The following CFAP95 variants were observed in gnomAD, a reference collection of about 807,000 sequenced individuals.
The protein encoded by CFAP95 is cilia- and flagella-associated protein 95.
chr9:69,877,535 A>G, the CFAP95 span, among the ~76,000 whole-genome samples: 7 of 152,230 alleles, frequency 4.6e-5, no homozygotes, highest in African/African-American at 1.7e-4. Context: ...TATAGGAAAC[A>G]GATATTTTGT....
the CFAP95 span, among the ~76,000 whole-genome samples, chr9:69,901,402 G>T: frequency 6.6e-6 from 1 of 152,180 alleles, no homozygotes; most frequent in South Asian, 2.1e-4. Context: ...CTCCCAAAGT[G>T]CTGGGATTAC....
the CFAP95 span, among the ~76,000 whole-genome samples, chr9:69,878,493 C>CTGTT: frequency 6.6e-6 from 1 of 152,184 alleles, no homozygotes; most frequent in Non-Finnish European, 1.5e-5. Flanking sequence ...GGATTCTGGA[C>CTGTT]TGTTCTACCT....
chr9:69,902,771 T>C, the CFAP95 span, among the ~76,000 whole-genome samples: 1 of 152,144 alleles, frequency 6.6e-6, no homozygotes, highest in South Asian at 2.1e-4. Flanking sequence ...ACCCTCTAGG[T>C]TTCTAGTAAG....
chr9:69,842,689 A>T, the CFAP95 span, among the ~76,000 whole-genome samples: 2 of 152,250 alleles, frequency 1.3e-5, no homozygotes, highest in African/African-American at 4.8e-5. Flanking sequence ...AAGGCCACAC[A>T]GCTGGGACCT....
the CFAP95 span, chr9:69,902,354 G>A: frequency 2.2e-6 from 1 of 453,904 alleles, no homozygotes; most frequent in East Asian, 7.1e-5. Context: ...TAATCTCCCA[G>A]GTTTGATCAT....
At chr9:69,872,105 A>G in the CFAP95 span, among the ~76,000 whole-genome samples, 1 of 152,184 alleles carries the variant, frequency 6.6e-6, no homozygotes, top group Admixed American at 6.5e-5. Flanking sequence ...TAAGCACTAG[A>G]GCTGGGCTTT....
At chr9:69,848,473 A>G in the CFAP95 span, among the ~76,000 whole-genome samples, 1 of 152,182 alleles carries the variant, frequency 6.6e-6, no homozygotes, top group Non-Finnish European at 1.5e-5. Flanking sequence ...GTGATCCCAA[A>G]GTCTACCAGA....
chr9:69,823,035 TATAA>T, the CFAP95 span, among the ~76,000 whole-genome samples: 6 of 152,198 alleles, frequency 3.9e-5, no homozygotes, highest in Non-Finnish European at 1.5e-5. Flanking sequence ...TTCATACAGC[TATAA>T]ATAAATACTG....
chr9:69,855,531 G>A, the CFAP95 span, among the ~76,000 whole-genome samples: 233 of 152,286 alleles, frequency 1.5e-3, 1 homozygote, highest in African/African-American at 5.1e-3. Context: ...AAGAAGAAGA[G>A]TAGTTGAGCT....
the CFAP95 span, among the ~76,000 whole-genome samples, chr9:69,824,633 A>G: frequency 1.3e-3 from 197 of 151,944 alleles, 1 homozygote; most frequent in Non-Finnish European, 1.8e-3. Context: ...TGCTAAGCAC[A>G]AGAAGACTGT....
At chr9:69,871,229 A>T in the CFAP95 span, among the ~76,000 whole-genome samples, 2 of 151,866 alleles carry the variant, frequency 1.3e-5, no homozygotes, top group Non-Finnish European at 2.9e-5. Flanking sequence ...AATAAAAATA[A>T]AATAATAATA....
the CFAP95 span, among the ~76,000 whole-genome samples, chr9:69,850,880 C>G: frequency 1.3e-5 from 2 of 152,176 alleles, no homozygotes; most frequent in Non-Finnish European, 2.9e-5. Context: ...TGACATCTGG[C>G]TTTCCTGTGT....
the CFAP95 span, among the ~76,000 whole-genome samples, chr9:69,823,714 AAG>A: frequency 1.3e-5 from 2 of 152,170 alleles, no homozygotes; most frequent in Admixed American, 6.5e-5. Flanking sequence ...TGAGTCTGAA[AAG>A]AGAGTCAGTG....
At chr9:69,868,761 G>A in the CFAP95 span, among the ~76,000 whole-genome samples, 1 of 148,202 alleles carries the variant, frequency 6.7e-6, no homozygotes, top group South Asian at 2.1e-4. Context: ...TATCTGAAAA[G>A]AGCTTAATAT....
the CFAP95 span, among the ~76,000 whole-genome samples, chr9:69,846,375 T>C: frequency 6.6e-6 from 1 of 152,178 alleles, no homozygotes; most frequent in Non-Finnish European, 1.5e-5. Flanking sequence ...TTTTTGTTGA[T>C]GGCCATTGAA....
the CFAP95 span, among the ~76,000 whole-genome samples, chr9:69,892,890 A>C: frequency 6.6e-6 from 1 of 152,146 alleles, no homozygotes; most frequent in East Asian, 1.9e-4. Context: ...CCAGCTCTCC[A>C]TCCCACTGAG....
chr9:69,894,086 A>G, the CFAP95 span, among the ~76,000 whole-genome samples: 4 of 152,204 alleles, frequency 2.6e-5, no homozygotes, highest in Non-Finnish European at 5.9e-5. Flanking sequence ...CTTGGGTTCA[A>G]AAGGATATGG....
the CFAP95 span, among the ~76,000 whole-genome samples, chr9:69,884,860 A>T: frequency 1.3e-5 from 2 of 151,880 alleles, no homozygotes; most frequent in Admixed American, 6.6e-5. Context: ...TTTGTCTTTA[A>T]AAAAAAACCC....
At chr9:69,821,129 C>A in the CFAP95 span, 5 of 1,401,920 alleles carry the variant, frequency 3.6e-6, no homozygotes, top group South Asian at 6.9e-5. Context: ...AGAGAGGGGA[C>A]AGGAGTGGAG....
Sources: gnomAD v4.1 joint callset for allele counts (sites outside exome capture counted in the v4.1 genomes callset) on GRCh38, gnomAD v4.1.1 for gene constraint, MANE v1.5 for transcripts, NCBI Gene and HGNC (gene_info 2026-07-23, HGNC 2026-07-21) for gene names.